Variants in C13orf46 observed in about 807,000 individuals in gnomAD.
C13orf46 encodes uncharacterized protein C13orf46.
chr13:113,949,839 G>A (rs2052482016), downstream of C13orf46, among the ~76,000 whole-genome samples: 1 of 150,268 alleles, frequency 6.7e-6, no homozygotes, highest in Non-Finnish European at 1.5e-5. Flanking sequence ...GCTCCCATCT[G>A]TAGAGTGGGG....
intron 6 of C13orf46, among the ~76,000 whole-genome samples, chr13:113,957,832 A>C (rs2138978884): frequency 8.5e-6 from 1 of 118,312 alleles, no homozygotes; most frequent in Non-Finnish European, 1.7e-5. Flanking sequence ...TCTCCCCTGC[A>C]CTCTGTATTC....
chr13:113,935,088 G>T, the C13orf46 span, among the ~76,000 whole-genome samples: 1 of 152,186 alleles, frequency 6.6e-6, no homozygotes, highest in African/African-American at 2.4e-5. Flanking sequence ...TGCTTCCGAC[G>T]TTACAAGCCA....
chr13:113,947,020 C>T, the C13orf46 span, among the ~76,000 whole-genome samples: 2 of 152,232 alleles, frequency 1.3e-5, no homozygotes, highest in Non-Finnish European at 2.9e-5. Flanking sequence ...GCCAGCACTG[C>T]AGGCCAAGAT....
chr13:113,930,865 G>A, the C13orf46 span, among the ~76,000 whole-genome samples: 32 of 152,316 alleles, frequency 2.1e-4, no homozygotes, highest in Middle Eastern at 3.4e-3. Flanking sequence ...CCTGGCGGCC[G>A]CTCCTTCTCC....
At chr13:113,927,483 TCTC>T in the C13orf46 span, 1 of 398,686 alleles carries the variant, frequency 2.5e-6, no homozygotes, top group Non-Finnish European at 4.4e-6. Context: ...TCCTGGGCTA[TCTC>T]CTCCTGCTCT....
chr13:113,933,790 G>T, the C13orf46 span, among the ~76,000 whole-genome samples: 3 of 152,170 alleles, frequency 2.0e-5, no homozygotes, highest in African/African-American at 2.4e-5. Flanking sequence ...GTACAGAGGG[G>T]TCCCACATTC....
intron 5 of C13orf46, among the ~76,000 whole-genome samples, chr13:113,965,694 G>A (rs2052629586): frequency 6.6e-6 from 1 of 151,894 alleles, no homozygotes. Context: ...TGATGATGGT[G>A]ACAATGGTGA....
the C13orf46 span, among the ~76,000 whole-genome samples, chr13:113,945,575 A>AGAG: frequency 3.7e-3 from 330 of 89,082 alleles, 14 homozygotes; most frequent in African/African-American, 0.012. Context: ...GAAAGAAAGA[A>AGAG]AGAGAGAGAG....
rs2052499961 is a variant in C13orf46, at chr13:113,953,876, C to A, written c.*2897G>T. 6.6e-6 allele frequency: 1 copy of A among 152,258 alleles called. No individual in the cohort carries two copies. The highest frequency in any genetic ancestry group is 2.1e-4 in the South Asian group (1 of 4,838). 9.4% of individuals were successfully genotyped at this position (152,258 alleles called of 1,614,324 possible). A position where few individuals can be genotyped will look rare whatever the true frequency, so the allele number is the denominator to read the frequency against. ...CCGCAACTGAGTCACACCCAACTGCCCGGCAGCCTGTCCAGGACAGCCCGT... is the reference window on the plus strand; with the variant it reads ...CCGCAACTGAGTCACACCCAACTGCACGGCAGCCTGTCCAGGACAGCCCGT... On this transcript the variant is annotated 3_prime_UTR_variant, in exon 7 of 7. Transcript: ENST00000636427.
chr13:113,937,870 G>A, the C13orf46 span, among the ~76,000 whole-genome samples: 1 of 152,224 alleles, frequency 6.6e-6, no homozygotes, highest in Non-Finnish European at 1.5e-5. Flanking sequence ...GAGGGCAGAG[G>A]AAGTGATCAG....
intron 6 of C13orf46, among the ~76,000 whole-genome samples, chr13:113,962,568 C>A (rs1295118464): frequency 6.6e-6 from 1 of 152,192 alleles, no homozygotes; most frequent in African/African-American, 2.4e-5. Context: ...CTTGTAAATG[C>A]AACTGGATGG....
At chr13:113,935,870 A>T in the C13orf46 span, among the ~76,000 whole-genome samples, 2 of 152,388 alleles carry the variant, frequency 1.3e-5, no homozygotes, top group Non-Finnish European at 2.9e-5. Context: ...GCCTAGTGTC[A>T]GCTAAAAAAT....
At chr13:113,941,606 T>C in the C13orf46 span, among the ~76,000 whole-genome samples, 2 of 152,230 alleles carry the variant, frequency 1.3e-5, no homozygotes, top group African/African-American at 4.8e-5. Flanking sequence ...AGGAACGTGC[T>C]GGAAACAGGA....
intron 6 of C13orf46, among the ~76,000 whole-genome samples, chr13:113,959,584 G>C (rs1464378501): frequency 6.6e-6 from 1 of 152,218 alleles, no homozygotes; most frequent in Non-Finnish European, 1.5e-5. Flanking sequence ...TTCATGAAAG[G>C]AGATTTAATG....
chr13:113,957,650 C>A (rs1384580349), intron 6 of C13orf46, among the ~76,000 whole-genome samples: 276 of 139,666 alleles, frequency 2.0e-3, no homozygotes, highest in African/African-American at 6.7e-3. Context: ...TCTGCCTGCA[C>A]CCCCTTTCAT....
At chr13:113,933,121 T>A in the C13orf46 span, among the ~76,000 whole-genome samples, 1 of 152,232 alleles carries the variant, frequency 6.6e-6, no homozygotes, top group African/African-American at 2.4e-5. Flanking sequence ...TGCCTCAGCT[T>A]CCCAAAGTGC....
At chr13:113,953,185 A>G (rs1275186245), downstream of C13orf46, among the ~76,000 whole-genome samples, 1 of 152,144 alleles carries the variant, frequency 6.6e-6, no homozygotes, top group East Asian at 1.9e-4. Flanking sequence ...TGCCCTGAAC[A>G]GCTCGCTCGG....
the C13orf46 span, among the ~76,000 whole-genome samples, chr13:113,945,728 T>C: frequency 6.6e-6 from 1 of 152,198 alleles, no homozygotes; most frequent in African/African-American, 2.4e-5. Context: ...AGGCCCTTAA[T>C]ACTGTGCTCT....
the C13orf46 span, among the ~76,000 whole-genome samples, chr13:113,930,048 T>C: frequency 1.3e-5 from 2 of 152,226 alleles, no homozygotes; most frequent in African/African-American, 4.8e-5. Flanking sequence ...CTGGTGCTTT[T>C]ATGCCACGTG....
Sources: allele counts gnomAD v4.1 joint callset (sites outside exome capture counted in the v4.1 genomes callset), GRCh38; gene constraint gnomAD v4.1.1; transcripts MANE v1.5; gene names NCBI Gene and HGNC (gene_info 2026-07-23, HGNC 2026-07-21).